PIGN: variants seen among roughly 807,000 people sequenced by gnomAD.
PIGN encodes the protein phosphatidylinositol glycan anchor biosynthesis class N.
In PIGN, 117 loss-of-function variants were observed where a neutral mutation model predicts 125.4. The ratio of observed to expected loss-of-function variants is 0.93; its 90% confidence interval spans 0.80 to 1.09. PIGN has a LOEUF of 1.09. Ranked by LOEUF, PIGN falls within the 50% of genes least tolerant of loss-of-function variation. The pLI, the probability that PIGN is intolerant of heterozygous loss-of-function variation, is 0.00. For missense variants in PIGN, 1,075 were observed against 1,094.9 expected (o/e 0.98, Z 0.26); for synonymous variants, 392 against 377.8 (o/e 1.04, Z -0.44).
intron 4 of PIGN, among the ~76,000 whole-genome samples, chr18:62,158,998 T>C (rs1244000118): frequency 1.3e-5 from 2 of 152,236 alleles, no homozygotes; most frequent in Non-Finnish European, 2.9e-5. Flanking sequence ...ACGCCTGTAA[T>C]CCCAGCACTT....
At chr18:62,119,892 AC>A (rs1427774038) in intron 14 of PIGN, among the ~76,000 whole-genome samples, 1 of 151,914 alleles carries the variant, frequency 6.6e-6, no homozygotes, top group Non-Finnish European at 1.5e-5. Context: ...AAAAGAAAAT[AC>A]CTTGCCTGAA....
At chr18:62,061,317 T>C (rs1364600217) in intron 30 of PIGN, among the ~76,000 whole-genome samples, 2 of 151,614 alleles carry the variant, frequency 1.3e-5, no homozygotes, top group Admixed American at 6.6e-5. Context: ...CACAACACTA[T>C]AAACATTACA....
At chr18:62,077,751 C>T (rs1264835075) in intron 28 of PIGN, among the ~76,000 whole-genome samples, 7 of 152,132 alleles carry the variant, frequency 4.6e-5, no homozygotes, top group Non-Finnish European at 1.0e-4. Flanking sequence ...ATAATCTCTC[C>T]CCTTATGGAG....
At chr18:62,142,480 A>C (rs1310748106) in intron 11 of PIGN, among the ~76,000 whole-genome samples, 1 of 152,138 alleles carries the variant, frequency 6.6e-6, no homozygotes, top group Non-Finnish European at 1.5e-5. Flanking sequence ...TGCTATTCTG[A>C]CTTTATATGT....
rs1463361976 is a variant in PIGN at position 62,187,007 on chromosome 18, G to C, written c.-399C>G. 6.5e-6 allele frequency: 1 copy of C among 152,836 alleles called. No individual in the cohort carries two copies. The highest frequency in any genetic ancestry group is 2.4e-5 in the African/African-American group (1 of 41,444). 9.5% of individuals were successfully genotyped at this position (152,836 alleles called of 1,614,324 possible). ...ACCACTACAACCACCCCTCAATTCCGGAACGCCCCCAATACCTGCCCGGCC... is the reference window on the plus strand; with the variant it reads ...ACCACTACAACCACCCCTCAATTCCCGAACGCCCCCAATACCTGCCCGGCC... On this transcript the variant is annotated 5_prime_UTR_variant, in exon 1 of 31. Coordinates refer to ENST00000640252, the MANE Select transcript of PIGN (RefSeq NM_176787.5).
chr18:62,160,012 C>G (rs888465078), intron 4 of PIGN, among the ~76,000 whole-genome samples: 1 of 152,108 alleles, frequency 6.6e-6, no homozygotes, highest in African/African-American at 2.4e-5. Flanking sequence ...ACTCGGGAGG[C>G]TGAGGCAGGA....
intron 30 of PIGN, chr18:62,070,599 T>C (rs1222314463): frequency 1.0e-5 from 4 of 396,708 alleles, no homozygotes. Flanking sequence ...GATGAATGAA[T>C]ATTGACTAAA....
chr18:62,138,069 A>C, intron 14 of PIGN, 174 bp downstream of exon 14: 1 of 862,686 alleles, frequency 1.2e-6, no homozygotes, highest in Non-Finnish European at 1.7e-6. Context: ...GTTATCTAGC[A>C]CCTGGCTCAT....
At chr18:62,105,789 C>A (rs907105768) in intron 19 of PIGN, among the ~76,000 whole-genome samples, 155 bp from the exon 20 acceptor site, 2 of 152,150 alleles carry the variant, frequency 1.3e-5, no homozygotes, top group Non-Finnish European at 2.9e-5. Flanking sequence ...GCAGAATCAA[C>A]AGCTAACTAC....
chr18:62,096,018 G>C (rs968196080), intron 22 of PIGN, 68 bp from the exon 23 acceptor site: 1 of 953,452 alleles, frequency 1.0e-6, no homozygotes, highest in Non-Finnish European at 1.7e-6. Flanking sequence ...CGTAGGGCCG[G>C]GCGTGGTGGC....
At chr18:62,020,904 T>A (rs1258546365) in intron 23 of PIGN, among the ~76,000 whole-genome samples, 2 of 147,354 alleles carry the variant, frequency 1.4e-5, no homozygotes, top group Admixed American at 1.4e-4. Flanking sequence ...GAGCTTGCAG[T>A]GAGCCGAGAT....
intron 23 of PIGN, among the ~76,000 whole-genome samples, chr18:62,032,028 C>G (rs145019529): frequency 1.4e-3 from 214 of 152,308 alleles, no homozygotes; most frequent in African/African-American, 5.0e-3. Context: ...TCACTCTCAG[C>G]CTCCAGCTTC....
Position 62,088,777 on chromosome 18 carries a change from G to A in PIGN, c.2349C>T (p.Asp783=). ...ATACAAGGAAAAAGGCCCTACGGAT[G>A]TCATCCAGATATAGCTGTCGAAACT... is the stretch of plus-strand genomic sequence containing the variant. The part of the protein sequence containing the change: ...ITQFRQLYLD[D]IRRAFFLVFF... Residue 783 remains aspartate (D), a synonymous_variant, in exon 25 of 31, where the codon GAC becomes GAT. Transcript: ENST00000640252. 1.3e-6 allele frequency: 2 copies of A among 1,562,118 alleles called. No individual in the cohort carries two copies. Among genetic ancestry groups the A allele is most frequent in the Non-Finnish European group, 1.7e-6 (2 of 1,150,000 alleles).
chr18:62,184,797 T>G (rs1383717786), intron 1 of PIGN: 1 of 152,240 alleles, frequency 6.6e-6, no homozygotes, highest in Non-Finnish European at 1.5e-5. Context: ...ATATTAGTTT[T>G]ATTTTTAAAC....
Position 62,043,697 on chromosome 18 carries a change from T to C in PIGN, c.*2159A>G, listed in dbSNP as rs2030466661. ...AAAATGACAGACAAGCTGCAGCGGT[T>C]TCCTAAAGCCTTAGGATTCCCTCTA... On this transcript the variant is annotated 3_prime_UTR_variant, in exon 31 of 31. Coordinates refer to ENST00000640252, the MANE Select transcript of PIGN (RefSeq NM_176787.5). 6.6e-6 allele frequency: 1 copy of C among 152,200 alleles called. No individual in the cohort carries two copies. Among genetic ancestry groups the C allele is most frequent in the Non-Finnish European group, 1.5e-5 (1 of 68,030 alleles). 9.4% of individuals were successfully genotyped at this position (152,200 alleles called of 1,614,324 possible).
At chr18:62,141,676 G>A (rs1007726293) in intron 11 of PIGN, among the ~76,000 whole-genome samples, 1 of 152,108 alleles carries the variant, frequency 6.6e-6, no homozygotes, top group African/African-American at 2.4e-5. Context: ...TCTTCTCCAT[G>A]CTGCAGCCAG....
At position 62,017,637 on chromosome 18, in the gene PIGN, GA is replaced by G. The variant is rs2029997188; in HGVS notation, c.2246del (p.Ser750GlnfsTer29). On this transcript the variant is annotated frameshift_variant, in exon 24 of 25. Transcript: ENST00000639600. LOFTEE classifies it high-confidence loss of function. ...TGCCAGGGGTAACTCACCCTATTTT[GA>G]GCTCTGTCCTCTTTCATCCGAGACC... 6.6e-6 allele frequency: 1 copy of G among 151,968 alleles called. No individual in the cohort carries two copies. The highest frequency in any genetic ancestry group is 2.4e-5 in the African/African-American group (1 of 41,340). 9.4% of individuals were successfully genotyped at this position (151,968 alleles called of 1,614,324 possible).
intron 30 of PIGN, among the ~76,000 whole-genome samples, chr18:62,061,006 A>G (rs2032089139): frequency 6.6e-6 from 1 of 152,220 alleles, no homozygotes; most frequent in South Asian, 2.1e-4. Flanking sequence ...TATTTTTCAC[A>G]TGGCTGTTAA....
rs1353658675 is a variant in PIGN at position 62,090,508 on chromosome 18, G to C, written c.2251C>G (p.Leu751Val). 6.2e-7 allele frequency: 1 copy of C among 1,609,340 alleles called. No individual in the cohort carries two copies. The highest frequency in any genetic ancestry group is 1.3e-5 in the African/African-American group (1 of 74,834). ...TTACAGCAAACACCAGATTGTTGTA[G>C]AGTTTCTTGTTCTATGTTTATCCAG... ...FVWINIEQET[L>V]QQSGVCCKQK... Residue 751 changes from leucine to valine, a missense_variant, in exon 24 of 31, where the codon CTA becomes GTA. Around this residue, in one of 3 missense-constraint regions of PIGN, gnomAD observed 915 missense variants for 908.7 expected, o/e 1.01. Coordinates refer to ENST00000640252, the MANE Select transcript of PIGN (RefSeq NM_176787.5).
Sources: allele counts gnomAD v4.1 joint callset (sites outside exome capture counted in the v4.1 genomes callset), GRCh38; gene constraint gnomAD v4.1.1; regional missense constraint gnomAD v4.1.1; transcripts MANE v1.5; gene names NCBI Gene and HGNC (gene_info 2026-07-23, HGNC 2026-07-21).